Variants in TENM3 observed in about 807,000 individuals in gnomAD.
TENM3 encodes teneurin transmembrane protein 3.
TENM3 carries 63 observed loss-of-function variants against 255.1 expected under a neutral mutation model. The observed-to-expected ratio is 0.25, with a 90% CI of 0.20 to 0.30. The LOEUF is 0.30. Ranked by LOEUF, TENM3 falls within the 10% of genes least tolerant of loss-of-function variation. The pLI, the probability that TENM3 is intolerant of heterozygous loss-of-function variation, is 1.00. For synonymous variants in TENM3, 1,306 were observed against 1,322.3 expected (o/e 0.99, Z 0.27); for missense variants, 2,929 against 3,461.1 (o/e 0.85, Z 3.86).
At chr4:182,757,985 C>A (rs1051822669) in intron 22 of TENM3, among the ~76,000 whole-genome samples, 20 of 151,916 alleles carry the variant, frequency 1.3e-4, no homozygotes, top group Non-Finnish European at 2.2e-4. Context: ...TATATATATC[C>A]ATATATATAA....
At chr4:181,935,824 C>T in the TENM3 span, among the ~76,000 whole-genome samples, 5 of 152,168 alleles carry the variant, frequency 3.3e-5, no homozygotes, top group African/African-American at 1.2e-4. Flanking sequence ...CGACATCGGG[C>T]CTTATGGAAA....
At chr4:182,296,040 C>A (rs1363415692) in intron 1 of TENM3, among the ~76,000 whole-genome samples, 1 of 152,140 alleles carries the variant, frequency 6.6e-6, no homozygotes, top group Non-Finnish European at 1.5e-5. Context: ...CAGCCTCCAC[C>A]TCCTGGGTTC....
chr4:181,849,786 G>C, the TENM3 span, among the ~76,000 whole-genome samples: 1 of 152,046 alleles, frequency 6.6e-6, no homozygotes, highest in African/African-American at 2.4e-5. Flanking sequence ...ACAGACACAA[G>C]GATAATCTCT....
chr4:182,270,662 G>A (rs561352018), intron 1 of TENM3, among the ~76,000 whole-genome samples: 1 of 152,124 alleles, frequency 6.6e-6, no homozygotes, highest in Non-Finnish European at 1.5e-5. Flanking sequence ...GAAAGAAAGA[G>A]CATGGGGGAC....
At chr4:182,477,515 A>G (rs1733788188) in intron 3 of TENM3, among the ~76,000 whole-genome samples, 2 of 152,144 alleles carry the variant, frequency 1.3e-5, no homozygotes, top group African/African-American at 4.8e-5. Context: ...AACTTTCAGA[A>G]TGGGTCTGCA....
intron 1 of TENM3, among the ~76,000 whole-genome samples, chr4:182,257,762 G>A (rs764424020): frequency 1.3e-5 from 2 of 152,136 alleles, no homozygotes; most frequent in Non-Finnish European, 2.9e-5. Context: ...GAAGAGAAAT[G>A]TCGATTCAGA....
the TENM3 span, among the ~76,000 whole-genome samples, chr4:182,047,329 C>T: frequency 1.2e-4 from 18 of 151,786 alleles, no homozygotes; most frequent in African/African-American, 3.6e-4. Flanking sequence ...TTTGGGAGGC[C>T]GAGGTGGGTG....
intron 3 of TENM3, among the ~76,000 whole-genome samples, chr4:182,578,278 T>C (rs1369439127): frequency 6.6e-6 from 1 of 152,132 alleles, no homozygotes; most frequent in Admixed American, 6.5e-5. Context: ...CCAGCCCCAA[T>C]TTAAAATTTT....
At chr4:181,998,757 GTA>G in the TENM3 span, among the ~76,000 whole-genome samples, 5 of 152,048 alleles carry the variant, frequency 3.3e-5, no homozygotes, top group Non-Finnish European at 4.4e-5. Flanking sequence ...TCCAATAACT[GTA>G]TGTTTTCCTT....
At chr4:181,961,255 A>G in the TENM3 span, among the ~76,000 whole-genome samples, 1 of 152,228 alleles carries the variant, frequency 6.6e-6, no homozygotes, top group Non-Finnish European at 1.5e-5. Flanking sequence ...ACTAAGCCAA[A>G]CTTCAATGAT....
chr4:181,588,250 C>CAT, the TENM3 span, among the ~76,000 whole-genome samples: 862 of 152,344 alleles, frequency 5.7e-3, 11 homozygotes, highest in African/African-American at 0.02. Context: ...GCACATCAAA[C>CAT]ATCTGAAGTT....
chr4:182,738,353 T>C, intron 17 of TENM3, 48 bp from the exon 18 acceptor site: 1 of 1,504,744 alleles, frequency 6.6e-7, no homozygotes, highest in Non-Finnish European at 8.9e-7. Context: ...ATAAATTGCA[T>C]TTCCCCCAGT....
At chr4:182,119,793 A>G in the TENM3 span, among the ~76,000 whole-genome samples, 2 of 151,976 alleles carry the variant, frequency 1.3e-5, no homozygotes, top group African/African-American at 4.8e-5. Flanking sequence ...TGCAACCTCA[A>G]ACTCCTGGGC....
the TENM3 span, among the ~76,000 whole-genome samples, chr4:181,579,811 C>T: frequency 1.8e-3 from 268 of 152,146 alleles, no homozygotes; most frequent in Middle Eastern, 3.4e-3. Flanking sequence ...CTAGGTTCAT[C>T]AAGAGTAGAA....
chr4:181,580,615 G>A, the TENM3 span, among the ~76,000 whole-genome samples: 6 of 152,116 alleles, frequency 3.9e-5, no homozygotes, highest in African/African-American at 1.4e-4. Flanking sequence ...CTAGGACGAA[G>A]GAGAAACGAG....
At chr4:181,526,415 T>C in the TENM3 span, among the ~76,000 whole-genome samples, 1 of 152,152 alleles carries the variant, frequency 6.6e-6, no homozygotes, top group Admixed American at 6.5e-5. Flanking sequence ...GAGTATAAAT[T>C]TCACTTCACT....
At chr4:182,790,184 C>T (rs1008121016) in intron 25 of TENM3, among the ~76,000 whole-genome samples, 3 of 152,150 alleles carry the variant, frequency 2.0e-5, no homozygotes, top group African/African-American at 4.8e-5. Flanking sequence ...GACAAAAGTT[C>T]GCCCTAGAAA....
intron 4 of TENM3, among the ~76,000 whole-genome samples, chr4:182,624,925 G>T (rs979818471): frequency 6.6e-6 from 1 of 152,116 alleles, no homozygotes; most frequent in Admixed American, 6.6e-5. Flanking sequence ...GATAATACGT[G>T]GTAATACTAT....
chr4:181,800,462 T>A, the TENM3 span, among the ~76,000 whole-genome samples: 1 of 152,062 alleles, frequency 6.6e-6, no homozygotes, highest in South Asian at 2.1e-4. Context: ...TGAAACCCTG[T>A]CTCTACTTAA....
Sources: gnomAD v4.1 joint callset for allele counts (sites outside exome capture counted in the v4.1 genomes callset) on GRCh38, gnomAD v4.1.1 for gene constraint, MANE v1.5 for transcripts, NCBI Gene and HGNC (gene_info 2026-07-23, HGNC 2026-07-21) for gene names.